Variants in BMERB1 observed in about 807,000 individuals in gnomAD.
The protein encoded by BMERB1 is bMERB domain containing 1.
In BMERB1, 12 loss-of-function variants were observed where a neutral mutation model predicts 23.6. The ratio of observed to expected loss-of-function variants is 0.51; its 90% CI spans 0.33 to 0.82. The LOEUF (loss-of-function observed/expected upper bound fraction) is 0.82, where lower values mean the gene tolerates loss of function less well. BMERB1 is among the 40% of genes least tolerant of loss of function. The pLI, the probability that BMERB1 is intolerant of heterozygous loss-of-function variation, is 0.03. For synonymous variants in BMERB1, 122 were observed against 96.6 expected, an observed-to-expected ratio of 1.26 and a Z score of -1.54; for missense variants, 247 against 255.4, an observed-to-expected ratio of 0.97 and a Z score of 0.22.
chr16:15,444,405 G>A (rs963392703), intron 1 of BMERB1, among the ~76,000 whole-genome samples: 6 of 151,988 alleles, frequency 3.9e-5, no homozygotes, highest in African/African-American at 1.2e-4. Context: ...TCCTACTGTG[G>A]TCCATTTCTT....
intron 1 of BMERB1, among the ~76,000 whole-genome samples, chr16:15,442,640 G>A (rs758712724): frequency 1.3e-5 from 2 of 152,126 alleles, no homozygotes; most frequent in African/African-American, 4.8e-5. Context: ...TCCATTCAAT[G>A]AGTTTTAGCT....
At chr16:15,517,133 A>G (rs1452433961) in intron 2 of BMERB1, among the ~76,000 whole-genome samples, 1 of 152,252 alleles carries the variant, frequency 6.6e-6, no homozygotes, top group Non-Finnish European at 1.5e-5. Flanking sequence ...ATGGCTAAGA[A>G]ATATCTTCCC....
At chr16:15,467,153 C>G (rs963224703) in intron 1 of BMERB1, among the ~76,000 whole-genome samples, 4 of 152,158 alleles carry the variant, frequency 2.6e-5, no homozygotes, top group African/African-American at 9.7e-5. Flanking sequence ...GCTATGAATA[C>G]TCTTATGCAA....
chr16:15,543,519 T>C lies in BMERB1; in HGVS notation c.231-24464T>C, dbSNP rs1007415684. Reference sequence around the variant, plus strand: ...ACCTGGGGAATTGCCAGGTGTGAGGTGGGCATTAGAAAAATTTCAGGCTGG... The same window carrying C: ...ACCTGGGGAATTGCCAGGTGTGAGGCGGGCATTAGAAAAATTTCAGGCTGG... On this transcript the variant is annotated intron_variant, in intron 2 of 5. Coordinates refer to ENST00000300006, the MANE Select transcript of BMERB1 (RefSeq NM_033201.3). Among the ~76,000 whole-genome samples the C allele has an allele frequency of 7.2e-5, 11 of 151,834 alleles. 1 individual carries two copies. Among genetic ancestry groups the C allele is most frequent in the African/African-American group, 2.7e-4 (11 of 41,322 alleles).
chr16:15,571,716 C>T (rs368458203), intron 3 of BMERB1, among the ~76,000 whole-genome samples: 2 of 152,072 alleles, frequency 1.3e-5, no homozygotes, highest in African/African-American at 4.8e-5. Flanking sequence ...ACCTATCTTC[C>T]CAGGGGCCTC....
intron 1 of BMERB1, among the ~76,000 whole-genome samples, chr16:15,499,787 C>T (rs184517033): frequency 4.0e-4 from 61 of 152,240 alleles, no homozygotes; most frequent in African/African-American, 1.4e-3. Flanking sequence ...CAACACTGAC[C>T]GCCTCTTGCG....
rs1240228810 is a variant in BMERB1, at chr16:15,570,715, G to C, written c.304+2659G>C. ...CTCTGTAGGCAGGGTAGCAGCTTGG[G>C]CTCCTCGATTGATTGTACTTATAGC... On this transcript the variant is annotated intron_variant, in intron 3 of 5. Transcript: ENST00000300006. 1.3e-5 allele frequency among the ~76,000 whole-genome samples: 2 copies of C among 150,922 alleles called. 1 individual carries two copies. Among genetic ancestry groups the C allele is most frequent in the African/African-American group, 5.0e-5 (2 of 40,238 alleles).
intron 2 of BMERB1, among the ~76,000 whole-genome samples, chr16:15,542,631 A>ATTTTTTTTT (rs927255507): frequency 2.1e-5 from 2 of 96,866 alleles, no homozygotes; most frequent in Non-Finnish European, 4.0e-5. Context: ...CCTCCTAGGG[A>ATTTTTTTTT]TTTTTTTTTT....
chr16:15,559,957 ATC>A (rs1396004983), intron 2 of BMERB1, among the ~76,000 whole-genome samples: 1 of 152,182 alleles, frequency 6.6e-6, no homozygotes, highest in African/African-American at 2.4e-5. Flanking sequence ...CACAAAAAAA[ATC>A]TCATGTTTTA....
intron 2 of BMERB1, among the ~76,000 whole-genome samples, chr16:15,543,066 A>C (rs1270754246): frequency 3.9e-5 from 6 of 151,958 alleles, no homozygotes; most frequent in African/African-American, 1.5e-4. Context: ...CATGGACTTG[A>C]AGGATGGTGA....
chr16:15,499,916 A>T (rs153787), intron 1 of BMERB1, among the ~76,000 whole-genome samples: 86,020 of 152,060 alleles, frequency 0.57, 26,632 homozygotes, highest in Middle Eastern at 0.74. Context: ...ATGAGGGTAC[A>T]GGAAAATCCC....
intron 2 of BMERB1, among the ~76,000 whole-genome samples, chr16:15,537,979 C>T (rs1171841910): frequency 6.6e-6 from 1 of 152,260 alleles, no homozygotes; most frequent in South Asian, 2.1e-4. Flanking sequence ...AAATGTCTGC[C>T]ACCTATGAAA....
At chr16:15,523,696 C>T (rs2051878812) in intron 2 of BMERB1, among the ~76,000 whole-genome samples, 1 of 152,178 alleles carries the variant, frequency 6.6e-6, no homozygotes, top group Non-Finnish European at 1.5e-5. Context: ...TGATATCTCC[C>T]TGCAGCATCA....
At chr16:15,502,117 CAT>C (rs2051536162) in intron 1 of BMERB1, 2 of 640,890 alleles carry the variant, frequency 3.1e-6, no homozygotes, top group Non-Finnish European at 5.5e-6. Flanking sequence ...ACCATCTACT[CAT>C]GTCTGCTTGA....
chr16:15,473,212 C>T lies in BMERB1; in HGVS notation c.106+38453C>T, dbSNP rs188059433. Among the ~76,000 whole-genome samples, 537 of 151,648 alleles carry T rather than the reference C, an allele frequency of 3.5e-3. 5 individuals carry two copies. The highest frequency in any genetic ancestry group is 0.012 in the African/African-American group (508 of 41,366). ...TTGATTTTTGTGGGTACATAAGTAC[C>T]CAAATAAGATAAAACTAAAGTTCCA... is the stretch of plus-strand genomic sequence containing the variant. On this transcript the variant is annotated intron_variant, in intron 1 of 5. Transcript: ENST00000300006.
chr16:15,469,894 T>C (rs2051214662), intron 1 of BMERB1, among the ~76,000 whole-genome samples: 1 of 152,232 alleles, frequency 6.6e-6, no homozygotes, highest in Non-Finnish European at 1.5e-5. Flanking sequence ...GGTAAGTTAT[T>C]GGAGATCTAC....
chr16:15,550,350 C>G (rs139042738), intron 2 of BMERB1, among the ~76,000 whole-genome samples: 1 of 151,558 alleles, frequency 6.6e-6, no homozygotes, highest in South Asian at 2.1e-4. Flanking sequence ...GGAACTGCCA[C>G]TGGTGAAAGT....
At chr16:15,499,457 T>C (rs1206323017) in intron 1 of BMERB1, among the ~76,000 whole-genome samples, 1 of 151,964 alleles carries the variant, frequency 6.6e-6, no homozygotes, top group Non-Finnish European at 1.5e-5. Flanking sequence ...TCTCCTCTGC[T>C]CCCTTTGTCA....
rs1465715450 is a variant in BMERB1, at chr16:15,587,750, G to A, written c.*921G>A. ...AGGAGAGGCAGCGTGTGACCAGATTGTGTCCCGTCATTGGGTGGCATATGT... is the reference window on the plus strand; with the variant it reads ...AGGAGAGGCAGCGTGTGACCAGATTATGTCCCGTCATTGGGTGGCATATGT... On this transcript the variant is annotated 3_prime_UTR_variant, in exon 6 of 6. Coordinates refer to ENST00000300006, the MANE Select transcript of BMERB1 (RefSeq NM_033201.3). 3 of 278,876 alleles carry A rather than the reference G, an allele frequency of 1.1e-5. No homozygotes were observed. The highest frequency in any genetic ancestry group is 2.8e-5 in the South Asian group (1 of 35,962). 17.3% of individuals were successfully genotyped at this position (278,876 alleles called of 1,614,324 possible). A position where few individuals can be genotyped will look rare whatever the true frequency, so the allele number is the denominator to read the frequency against.
Sources: allele counts gnomAD v4.1 joint callset (sites outside exome capture counted in the v4.1 genomes callset), GRCh38; gene constraint gnomAD v4.1.1; transcripts MANE v1.5; gene names NCBI Gene and HGNC (gene_info 2026-07-23, HGNC 2026-07-21).